Variants in MAPK10 observed in about 807,000 individuals in gnomAD.
The protein encoded by MAPK10 is mitogen-activated protein kinase 10.
Under a neutral mutation model 59.3 loss-of-function variants are expected in MAPK10, and 25 were observed. The ratio of observed to expected loss-of-function variants is 0.42; its 90% CI spans 0.31 to 0.59. The LOEUF (loss-of-function observed/expected upper bound fraction) is 0.59, where lower values mean the gene tolerates loss of function less well. MAPK10 is among the 20% of genes least tolerant of loss of function. MAPK10 has a pLI of 0.15. For synonymous variants in MAPK10, 190 were observed against 200.5 expected (o/e 0.95, Z 0.44); for missense variants, 351 against 568.9 (o/e 0.62, Z 3.90).
chr4:86,038,961 T>C (rs2040918494), intron 11 of MAPK10, among the ~76,000 whole-genome samples: 1 of 152,198 alleles, frequency 6.6e-6, no homozygotes, highest in African/African-American at 2.4e-5. Context: ...CTTCTGAATG[T>C]AGATATATGG....
In MAPK10 at chr4:86,487,382, T is replaced by TAGA. The variant is rs1754083190; in HGVS notation, c.-263+106527_-263+106528insTCT. 2.0e-5 allele frequency among the ~76,000 whole-genome samples: 3 copies of TAGA among 150,800 alleles called. No homozygotes were observed. In the South Asian group the frequency reaches 6.3e-4, roughly 32 times the overall value. ...GAGAGAGTGTGTGTGTGTGTGTGTG[T>TAGA]GTAGAGAGAGAAAGAAGGAGTATAA... On this transcript the variant is annotated intron_variant, in intron 1 of 4. Coordinates refer to the MAPK10 transcript ENST00000502302.
At chr4:86,090,232 T>G (rs879290559) in intron 9 of MAPK10, 1 of 149,398 alleles carries the variant, frequency 6.7e-6, no homozygotes, top group Non-Finnish European at 1.5e-5. Flanking sequence ...AACAGAAGAA[T>G]TAGGGATGCT....
intron 1 of MAPK10, among the ~76,000 whole-genome samples, chr4:86,555,220 G>T (rs1417722167): frequency 6.6e-6 from 1 of 152,184 alleles, no homozygotes; most frequent in Admixed American, 6.5e-5. Context: ...GGCCGAGGTG[G>T]GTGGATCACG....
intron 1 of MAPK10, among the ~76,000 whole-genome samples, chr4:86,429,969 T>C (rs1030633114): frequency 6.6e-6 from 1 of 152,192 alleles, no homozygotes; most frequent in East Asian, 1.9e-4. Flanking sequence ...CATAAAATAT[T>C]GTGATATGGC....
chr4:86,405,109 C>T (rs1251093313), intron 1 of MAPK10, among the ~76,000 whole-genome samples: 1 of 152,100 alleles, frequency 6.6e-6, no homozygotes, highest in Non-Finnish European at 1.5e-5. Context: ...TCATGGTTTC[C>T]AAACACAGAG....
chr4:86,541,120 G>A (rs1758658933), intron 1 of MAPK10, among the ~76,000 whole-genome samples: 1 of 152,076 alleles, frequency 6.6e-6, no homozygotes, highest in Non-Finnish European at 1.5e-5. Flanking sequence ...ATCCCCATGG[G>A]GCATTCTTGA....
chr4:86,327,132 A>T (rs918705037), intron 2 of MAPK10: 1 of 139,458 alleles, frequency 7.2e-6, no homozygotes, highest in Admixed American at 7.8e-5. Flanking sequence ...CATCACACCC[A>T]GCTAACTTTT....
chr4:86,260,586 C>T (rs1479374697), intron 2 of MAPK10, among the ~76,000 whole-genome samples: 1 of 152,018 alleles, frequency 6.6e-6, no homozygotes, highest in Non-Finnish European at 1.5e-5. Context: ...CAAATAATTT[C>T]CATAGTAGCT....
intron 2 of MAPK10, among the ~76,000 whole-genome samples, chr4:86,200,556 A>C (rs1563027304): frequency 1.3e-5 from 2 of 151,870 alleles, no homozygotes; most frequent in African/African-American, 2.4e-5. Context: ...CTGCATTTGG[A>C]TAGTTGAGAT....
chr4:86,142,790 C>G (rs1224474656), intron 4 of MAPK10, among the ~76,000 whole-genome samples: 2 of 152,128 alleles, frequency 1.3e-5, no homozygotes, highest in Non-Finnish European at 2.9e-5. Context: ...GTCTAATGGT[C>G]TCCCAAGATC....
intron 1 of MAPK10, among the ~76,000 whole-genome samples, chr4:86,413,926 A>G (rs1745525083): frequency 6.6e-6 from 1 of 152,136 alleles, no homozygotes; most frequent in Non-Finnish European, 1.5e-5. Context: ...GGTGGCACCC[A>G]CTGTCCAACC....
chr4:86,208,664 C>G (rs1004270423), intron 2 of MAPK10, among the ~76,000 whole-genome samples: 1 of 151,838 alleles, frequency 6.6e-6, no homozygotes, highest in African/African-American at 2.4e-5. Context: ...GAAGCACTCC[C>G]TTTGAAAACT....
At chr4:86,588,539 T>C (rs1762793520) in intron 1 of MAPK10, among the ~76,000 whole-genome samples, 1 of 152,204 alleles carries the variant, frequency 6.6e-6, no homozygotes, top group African/African-American at 2.4e-5. Flanking sequence ...CAGAGTTTAA[T>C]CATTCTGTTA....
intron 1 of MAPK10, among the ~76,000 whole-genome samples, chr4:86,555,229 C>T (rs544802090): frequency 1.1e-4 from 17 of 152,260 alleles, no homozygotes; most frequent in African/African-American, 3.6e-4. Context: ...GGGTGGATCA[C>T]GAGGTCAGGA....
intron 2 of MAPK10, among the ~76,000 whole-genome samples, chr4:86,256,734 C>CTTTTTTTTTTT (rs767737802): frequency 2.2e-4 from 13 of 59,638 alleles, no homozygotes; most frequent in Non-Finnish European, 3.1e-4. Context: ...TTCTTTCTTT[C>CTTTTTTTTTTT]TTTTTTTTTT....
At chr4:86,118,360 T>C (rs868059956) in intron 4 of MAPK10, among the ~76,000 whole-genome samples, 40 of 152,216 alleles carry the variant, frequency 2.6e-4, no homozygotes, top group African/African-American at 7.5e-4. Flanking sequence ...AAAATGGAGA[T>C]AGGTCTTTAT....
At chr4:86,084,772 A>C (rs1336266505) in intron 9 of MAPK10, among the ~76,000 whole-genome samples, 2 of 151,082 alleles carry the variant, frequency 1.3e-5, no homozygotes, top group Non-Finnish European at 2.9e-5. Flanking sequence ...GGAACCACAA[A>C]AGACCCAGAA....
At chr4:86,121,652 G>GTA (rs2059272838) in intron 4 of MAPK10, among the ~76,000 whole-genome samples, 1 of 151,984 alleles carries the variant, frequency 6.6e-6, no homozygotes. Flanking sequence ...TTTGATATAT[G>GTA]TATACATTGC....
intron 1 of MAPK10, among the ~76,000 whole-genome samples, chr4:86,503,922 C>A (rs1755515869): frequency 6.6e-6 from 1 of 152,072 alleles, no homozygotes; most frequent in South Asian, 2.1e-4. Context: ...GGACAGCAAA[C>A]ATGCTCCCAC....
Sources: gnomAD v4.1 joint callset for allele counts (sites outside exome capture counted in the v4.1 genomes callset) on GRCh38, gnomAD v4.1.1 for gene constraint, MANE v1.5 for transcripts, NCBI Gene and HGNC (gene_info 2026-07-23, HGNC 2026-07-21) for gene names.